The following SMOC2 variants were observed in gnomAD, a reference collection of about 807,000 sequenced individuals.
SMOC2 encodes SPARC-related modular calcium-binding protein 2.
In SMOC2, 39 loss-of-function variants were observed where a neutral mutation model predicts 61.4. The observed-to-expected ratio is 0.64, with a 90% CI of 0.49 to 0.83. SMOC2 has a LOEUF of 0.83. SMOC2 is among the 40% of genes least tolerant of loss of function. The probability of loss-of-function intolerance (pLI) is 0.00; values close to 1 mark genes in which losing one functional copy is unlikely to be tolerated. For missense variants in SMOC2, 556 were observed against 592.9 expected (o/e 0.94, Z 0.65); for synonymous variants, 247 against 239.9 (o/e 1.03, Z -0.27).
intron 9 of SMOC2, among the ~76,000 whole-genome samples, chr6:168,650,453 T>C (rs1016697530): frequency 3.3e-5 from 5 of 152,202 alleles, no homozygotes; most frequent in African/African-American, 1.2e-4. Flanking sequence ...TACTAATGCC[T>C]GTGAATTTTA....
chr6:168,477,556 CTCTT>C (rs961380804), intron 1 of SMOC2, among the ~76,000 whole-genome samples: 6 of 152,210 alleles, frequency 3.9e-5, no homozygotes, highest in Non-Finnish European at 5.9e-5. Context: ...AGAGCCCTTT[CTCTT>C]TCTTTCGTGG....
intron 7 of SMOC2, among the ~76,000 whole-genome samples, chr6:168,596,593 G>C (rs1785341527): frequency 6.6e-6 from 1 of 152,256 alleles, no homozygotes; most frequent in African/African-American, 2.4e-5. Context: ...CTGCTCTCCG[G>C]AGGCGCAGTT....
At chr6:168,498,081 C>A (rs1164856679) in intron 1 of SMOC2, among the ~76,000 whole-genome samples, 5 of 152,210 alleles carry the variant, frequency 3.3e-5, no homozygotes. Context: ...GGAGCTGCCT[C>A]TCGGACATAT....
intron 7 of SMOC2, among the ~76,000 whole-genome samples, chr6:168,559,307 T>A (rs903070764): frequency 6.6e-6 from 1 of 151,650 alleles, no homozygotes; most frequent in Non-Finnish European, 1.5e-5. Context: ...AATACAAAAT[T>A]AGCTGGGCAT....
At chr6:168,562,350 G>T (rs1240961631) in intron 7 of SMOC2, among the ~76,000 whole-genome samples, 1 of 138,072 alleles carries the variant, frequency 7.2e-6, no homozygotes, top group Non-Finnish European at 1.6e-5. Flanking sequence ...GTTCTCGGAG[G>T]AGGTGTCATT....
intron 4 of SMOC2, among the ~76,000 whole-genome samples, chr6:168,533,012 A>G (rs897189976): frequency 6.6e-6 from 1 of 150,808 alleles, no homozygotes; most frequent in African/African-American, 2.5e-5. Flanking sequence ...CAAATTTATA[A>G]TTTGGTTTTA....
chr6:168,499,528 T>TGAGAGTCA (rs1375967145), intron 1 of SMOC2, among the ~76,000 whole-genome samples: 1 of 152,210 alleles, frequency 6.6e-6, no homozygotes, highest in Non-Finnish European at 1.5e-5. Context: ...GGGGCAGTGA[T>TGAGAGTCA]GAGAGTCAAA....
intron 7 of SMOC2, among the ~76,000 whole-genome samples, chr6:168,557,978 C>T (rs1157786935): frequency 6.6e-6 from 1 of 152,228 alleles, no homozygotes; most frequent in Non-Finnish European, 1.5e-5. Context: ...CAGGCACACT[C>T]AGTTCCAGAG....
At chr6:168,482,146 A>G (rs1583047206) in intron 1 of SMOC2, among the ~76,000 whole-genome samples, 1 of 151,980 alleles carries the variant, frequency 6.6e-6, no homozygotes, top group African/African-American at 2.4e-5. Context: ...CATTTTAGCT[A>G]CATAGACTAA....
chr6:168,612,110 G>C (rs2115210824), intron 9 of SMOC2, among the ~76,000 whole-genome samples: 1 of 152,326 alleles, frequency 6.6e-6, no homozygotes, highest in Middle Eastern at 3.4e-3. Context: ...ATGTGGTTTT[G>C]CTTATCTAGG....
At chr6:168,643,654 G>C (rs1426164563) in intron 9 of SMOC2, among the ~76,000 whole-genome samples, 2 of 152,332 alleles carry the variant, frequency 1.3e-5, no homozygotes, top group East Asian at 3.9e-4. Context: ...CCGTGGGGCA[G>C]CGGGGAGAGC....
chr6:168,496,167 T>C (rs7749783), intron 1 of SMOC2, among the ~76,000 whole-genome samples: 26,286 of 152,124 alleles, frequency 0.17, 4,901 homozygotes, highest in African/African-American at 0.44. Flanking sequence ...ATTTGTTCGA[T>C]TGGTCACAGA....
chr6:168,579,183 G>T (rs745877141), intron 7 of SMOC2, among the ~76,000 whole-genome samples: 6 of 152,246 alleles, frequency 3.9e-5, no homozygotes, highest in Non-Finnish European at 7.3e-5. Flanking sequence ...GGGGTGGGCA[G>T]TGGCATTGGG....
intron 1 of SMOC2, among the ~76,000 whole-genome samples, chr6:168,474,348 G>C (rs1261170787): frequency 6.6e-6 from 1 of 152,084 alleles, no homozygotes; most frequent in African/African-American, 2.4e-5. Context: ...ACCTTTCACA[G>C]TGCCCCGCTC....
intron 7 of SMOC2, among the ~76,000 whole-genome samples, chr6:168,577,692 A>G (rs1405930313): frequency 2.0e-5 from 3 of 152,174 alleles, no homozygotes; most frequent in African/African-American, 7.2e-5. Flanking sequence ...TTTCATCTGC[A>G]TGAGGGTCAC....
chr6:168,645,889 T>C (rs947231098), intron 9 of SMOC2, among the ~76,000 whole-genome samples: 99 of 152,258 alleles, frequency 6.5e-4, no homozygotes, highest in African/African-American at 2.3e-3. Context: ...ACAGAAATGA[T>C]TGGACTTCCA....
chr6:168,564,551 T>C (rs572976342), intron 7 of SMOC2, among the ~76,000 whole-genome samples: 1 of 152,340 alleles, frequency 6.6e-6, no homozygotes, highest in Non-Finnish European at 1.5e-5. Flanking sequence ...TTATTATGGA[T>C]ATTGTAGCAC....
intron 7 of SMOC2, among the ~76,000 whole-genome samples, chr6:168,571,926 C>T (rs146395334): frequency 0.012 from 359 of 30,996 alleles, 47 homozygotes; most frequent in African/African-American, 0.091. Context: ...ATGTTCACTT[C>T]CTCCCCGCAT....
At chr6:168,448,363 G>GATGGGGAGGAGGATGGCA in intron 1 of SMOC2, among the ~76,000 whole-genome samples, 1 of 151,770 alleles carries the variant, frequency 6.6e-6, no homozygotes, top group South Asian at 2.1e-4. Flanking sequence ...GGAGGATGGA[G>GATGGGGAGGAGGATGGCA]ATGGGGAGGA....
Sources: gnomAD v4.1 joint callset for allele counts (sites outside exome capture counted in the v4.1 genomes callset) on GRCh38, gnomAD v4.1.1 for gene constraint, MANE v1.5 for transcripts, NCBI Gene and HGNC (gene_info 2026-07-23, HGNC 2026-07-21) for gene names.